The following SGCD variants were observed in gnomAD, a reference collection of about 807,000 sequenced individuals.
SGCD encodes delta-sarcoglycan.
In SGCD, 18 loss-of-function variants were observed where a neutral mutation model predicts 36.6. That is an observed-to-expected ratio of 0.49 (90% CI 0.34 to 0.73). The LOEUF is 0.73. Ranked by LOEUF, SGCD falls within the 30% of genes least tolerant of loss-of-function variation. The probability of loss-of-function intolerance (pLI) is 0.01; values close to 1 mark genes in which losing one functional copy is unlikely to be tolerated. For missense variants in SGCD, 387 were observed against 346.7 expected (o/e 1.12, Z -0.92); for synonymous variants, 133 against 130.6 (o/e 1.02, Z -0.12).
At position 156,181,163 on chromosome 5, in the gene SGCD, C is replaced by T. The variant is rs575564769; in HGVS notation, c.-44+57144C>T. The stretch of plus-strand genomic sequence containing the variant: ...TTTCTGAGGCCTTTCATTTTAAAAG[C>T]GCTCAGCATGCCAAAGCACCATATT... On this transcript the variant is annotated intron_variant, in intron 3 of 9. Coordinates refer to the SGCD transcript ENST00000517913. 1.4e-4 allele frequency among the ~76,000 whole-genome samples: 22 copies of T among 152,228 alleles called. No individual in the cohort carries two copies. The South Asian group carries it at 3.3e-3, about 23-fold the overall frequency.
At chr5:156,232,376 G>A (rs183482630) in intron 3 of SGCD, among the ~76,000 whole-genome samples, 1 of 152,186 alleles carries the variant, frequency 6.6e-6, no homozygotes, top group Admixed American at 6.5e-5. Context: ...CTAACTATTG[G>A]ACAGCTGCCT....
At chr5:156,442,938 AG>A (rs1255956721) in intron 3 of SGCD, among the ~76,000 whole-genome samples, 1 of 152,132 alleles carries the variant, frequency 6.6e-6, no homozygotes, top group Non-Finnish European at 1.5e-5. Context: ...GGAGCAAAAG[AG>A]GGAGTGGACC....
intron 1 of SGCD, among the ~76,000 whole-genome samples, chr5:155,980,574 C>T (rs982986272): frequency 2.4e-4 from 25 of 104,256 alleles, no homozygotes; most frequent in Middle Eastern, 0.01. Context: ...GGTGACAGAG[C>T]AAGACTCCCT....
chr5:156,154,492 C>T (rs1762903299), intron 3 of SGCD, among the ~76,000 whole-genome samples: 1 of 151,706 alleles, frequency 6.6e-6, no homozygotes. Flanking sequence ...AAAATAAATA[C>T]ATTCAAAATT....
chr5:156,452,558 A>G (rs1403755881), intron 3 of SGCD, among the ~76,000 whole-genome samples: 3 of 152,206 alleles, frequency 2.0e-5, no homozygotes, highest in African/African-American at 7.2e-5. Context: ...GGTAACCCTC[A>G]TAACAGCTTT....
intron 7 of SGCD, among the ~76,000 whole-genome samples, chr5:156,705,362 G>C (rs1344452431): frequency 6.6e-6 from 1 of 152,094 alleles, no homozygotes; most frequent in Non-Finnish European, 1.5e-5. Flanking sequence ...CACGTGATTT[G>C]CTTTGACTGA....
At chr5:156,497,644 TCACACACACA>T (rs200511711) in intron 3 of SGCD, among the ~76,000 whole-genome samples, 7 of 141,636 alleles carry the variant, frequency 4.9e-5, no homozygotes, top group Admixed American at 3.4e-4. Context: ...TCTCTCTCTC[TCACACACACA>T]CACACACACA....
chr5:156,230,874 G>A (rs1041035177), intron 3 of SGCD, among the ~76,000 whole-genome samples: 2 of 151,996 alleles, frequency 1.3e-5, no homozygotes, highest in Admixed American at 6.6e-5. Flanking sequence ...TCTAAAAAAC[G>A]CTAGTATATT....
At position 155,961,921 on chromosome 5, in the gene SGCD, GT is replaced by G. The variant is rs530575634; in HGVS notation, c.-282+91499del. On this transcript the variant is annotated intron_variant, in intron 1 of 9. Coordinates refer to the SGCD transcript ENST00000517913. ...TACATATGATGAAAAATTCATGCAGGTTGATAAAGGGGATTAAGCAAATAAT... is the reference window on the plus strand; with the variant it reads ...TACATATGATGAAAAATTCATGCAGGTGATAAAGGGGATTAAGCAAATAAT... 1.6e-3 allele frequency among the ~76,000 whole-genome samples: 249 copies of G among 152,180 alleles called. 1 individual carries two copies. The highest frequency in any genetic ancestry group is 2.8e-3 in the Non-Finnish European group (191 of 67,976).
chr5:156,035,408 C>T (rs1759464657), intron 1 of SGCD, among the ~76,000 whole-genome samples: 1 of 152,076 alleles, frequency 6.6e-6, no homozygotes, highest in Admixed American at 6.5e-5. Context: ...GTGTTCAATA[C>T]TAGCATGGGC....
intron 7 of SGCD, among the ~76,000 whole-genome samples, chr5:156,653,493 C>CTTTTGTTTTTTTTTTTTTTTT (rs1763545708): frequency 6.2e-5 from 3 of 48,080 alleles, no homozygotes; most frequent in Admixed American, 3.7e-4. Flanking sequence ...CTAAAGCTTG[C>CTTTTGTTTTTTTTTTTTTTTT]TTTTTTTTTT....
the SGCD span, among the ~76,000 whole-genome samples, chr5:155,813,113 CA>C: frequency 3.4e-5 from 5 of 149,074 alleles, no homozygotes; most frequent in African/African-American, 1.2e-4. Flanking sequence ...ATCTAGTAAG[CA>C]AAAAAAAGGG....
chr5:156,393,958 G>A (rs184980260), intron 3 of SGCD: 95 of 386,222 alleles, frequency 2.5e-4, no homozygotes, highest in African/African-American at 1.8e-3. Flanking sequence ...CCTGAAAAAG[G>A]CCACATTCTA....
intron 3 of SGCD, among the ~76,000 whole-genome samples, chr5:156,202,563 A>G (rs1481590686): frequency 6.6e-6 from 1 of 152,132 alleles, no homozygotes; most frequent in Non-Finnish European, 1.5e-5. Flanking sequence ...TGGAAGAGAC[A>G]GTCAAAGTCT....
At chr5:156,749,124 CA>C (rs1465673772) in intron 7 of SGCD, among the ~76,000 whole-genome samples, 2 of 152,060 alleles carry the variant, frequency 1.3e-5, no homozygotes, top group East Asian at 3.9e-4. Context: ...ATTGTCAGTT[CA>C]AAAACAATGT....
chr5:156,240,890 C>G (rs1765289358), intron 3 of SGCD, among the ~76,000 whole-genome samples: 1 of 152,160 alleles, frequency 6.6e-6, no homozygotes, highest in Non-Finnish European at 1.5e-5. Flanking sequence ...TTGAGAAGCA[C>G]TGTTAGACAT....
At chr5:155,964,466 A>G (rs1757862967) in intron 1 of SGCD, among the ~76,000 whole-genome samples, 1 of 151,840 alleles carries the variant, frequency 6.6e-6, no homozygotes, top group Admixed American at 6.6e-5. Context: ...AGCCTCCCGA[A>G]TAGGTGGGAT....
At chr5:156,675,814 A>G (rs973273366) in intron 7 of SGCD, among the ~76,000 whole-genome samples, 1 of 152,232 alleles carries the variant, frequency 6.6e-6, no homozygotes, top group Non-Finnish European at 1.5e-5. Flanking sequence ...TTAATGTTCA[A>G]AAATCTAACT....
At chr5:155,758,638 C>T in the SGCD span, among the ~76,000 whole-genome samples, 4 of 152,090 alleles carry the variant, frequency 2.6e-5, no homozygotes, top group South Asian at 2.1e-4. Flanking sequence ...GAGCACGAAC[C>T]GTATTGTGAA....
Sources: allele counts gnomAD v4.1 joint callset (sites outside exome capture counted in the v4.1 genomes callset), GRCh38; gene constraint gnomAD v4.1.1; transcripts MANE v1.5; gene names NCBI Gene and HGNC (gene_info 2026-07-23, HGNC 2026-07-21).